ADGRL1: variants seen among roughly 807,000 people sequenced by gnomAD.
ADGRL1 encodes CIRL-1.
Under a neutral mutation model 148.9 loss-of-function variants are expected in ADGRL1, and 31 were observed. The observed-to-expected ratio is 0.21, with a 90% CI of 0.16 to 0.28. The LOEUF (loss-of-function observed/expected upper bound fraction) is 0.28, where lower values mean the gene tolerates loss of function less well. ADGRL1 is among the 10% of genes least tolerant of loss of function. The probability of loss-of-function intolerance (pLI) is 1.00; values close to 1 mark genes in which losing one functional copy is unlikely to be tolerated. For synonymous variants in ADGRL1, 937 were observed against 900.3 expected (o/e 1.04, Z -0.73); for missense variants, 1,521 against 2,058.8 (o/e 0.74, Z 5.05).
In ADGRL1 at chr19:14,170,754, A is replaced by G. The variant is rs773960599; in HGVS notation, c.322T>C (p.Ser108Pro). The G allele has an allele frequency of 1.2e-6, 2 of 1,612,424 alleles. No homozygotes were observed. The highest frequency in any genetic ancestry group is 4.5e-5 in the East Asian group (2 of 44,814). ...NRTQCVVVAG[S>P]DAFPDPCPGT... is the part of the protein sequence containing the mutation. ...GGACAGGGGTCAGGAAAGGCATCCG[A>G]GCCGGCGACCACCACGCACTGGGTG... Residue 108 changes from serine to proline, a missense_variant, in exon 4 of 23, where the codon TCG becomes CCG. Ser to Pro is a moderately conservative substitution (Grantham distance 74). Around this residue, in one of 8 missense-constraint regions of ADGRL1, gnomAD observed 334 missense variants for 512.5 expected, o/e 0.65. Transcript: ENST00000361434.
chr19:14,201,525 T>C (rs1308030769), intron 1 of ADGRL1, among the ~76,000 whole-genome samples: 1 of 151,542 alleles, frequency 6.6e-6, no homozygotes, highest in African/African-American at 2.4e-5. Context: ...CAAGCCATCC[T>C]CCCACCTCAG....
At position 14,151,113 on chromosome 19, in the gene ADGRL1, G is replaced by A. The variant is rs775618778; in HGVS notation, c.4170C>T (p.Pro1390=). Residue 1390 remains proline, a synonymous_variant, in exon 23 of 23, where the codon CCC becomes CCT. Coordinates refer to ENST00000361434, the MANE Select transcript of ADGRL1 (RefSeq NM_014921.5). ...CCTCAGGGCTGCTGTCCGGGTAGGA[G>A]GGTGAGTCCCGCAGGTTGGCCCCGC... ...YASGANLRDS[P]SYPDSSPEGP... is the part of the protein sequence containing the mutation. The A allele has an allele frequency of 1.9e-6, 3 of 1,564,134 alleles. No homozygotes were observed. The highest frequency in any genetic ancestry group is 1.2e-5 in the South Asian group (1 of 83,098).
chr19:14,184,646 A>ATTTAT (rs1555790748), intron 1 of ADGRL1, among the ~76,000 whole-genome samples: 1 of 97,732 alleles, frequency 1.0e-5, no homozygotes, highest in Non-Finnish European at 2.0e-5. Context: ...TTATTTATTT[A>ATTTAT]TTTTTTTTTC....
chr19:14,187,380 TAAAG>T (rs1303919285), intron 1 of ADGRL1, among the ~76,000 whole-genome samples: 2 of 151,964 alleles, frequency 1.3e-5, no homozygotes, highest in African/African-American at 4.8e-5. Context: ...CCTCAATAAA[TAAAG>T]ATCCCCACAG....
chr19:14,199,163 G>A (rs1972447100), intron 1 of ADGRL1, among the ~76,000 whole-genome samples: 5 of 152,216 alleles, frequency 3.3e-5, no homozygotes, highest in Admixed American at 3.3e-4. Context: ...GCGCCGTCAT[G>A]TCAGCACGAC....
Position 14,156,187 on chromosome 19 carries a change from G to A in ADGRL1, c.3048C>T (p.Phe1016=), listed in dbSNP as rs1372486661. ...VSFVIVVNLV[F]LMVTLHKMIR... is the part of the protein sequence containing the mutation. ...TCATCTTGTGCAGGGTCACCATGAG[G>A]AACACCAGGTTGACCTGGGGGCGGG... Residue 1016 remains phenylalanine (F), a synonymous_variant, in exon 17 of 23, where the codon TTC becomes TTT. Transcript: ENST00000361434. The A allele has an allele frequency of 8.7e-6, 14 of 1,612,248 alleles. No homozygotes were observed. In the Middle Eastern group the frequency reaches 4.9e-4, roughly 57 times the overall value.
At chr19:14,182,598 T>C (rs976390091) in intron 2 of ADGRL1, among the ~76,000 whole-genome samples, 1 of 152,164 alleles carries the variant, frequency 6.6e-6, no homozygotes, top group African/African-American at 2.4e-5. Context: ...TTCACATGTG[T>C]TCCTCCAGCA....
chr19:14,178,188 A>C (rs984039947), intron 2 of ADGRL1, among the ~76,000 whole-genome samples: 1 of 152,180 alleles, frequency 6.6e-6, no homozygotes, highest in Non-Finnish European at 1.5e-5. Context: ...CCCCAATCCA[A>C]TATGACTGTG....
In ADGRL1 at chr19:14,160,027, T is replaced by C; in HGVS notation, c.1800+85A>G. ...AAAGGAGTGGAGGTGGCAGCCTGGCTGGGAGGTACCAGGTCAGGTACTTCC... is the reference window on the plus strand; with the variant it reads ...AAAGGAGTGGAGGTGGCAGCCTGGCCGGGAGGTACCAGGTCAGGTACTTCC... On this transcript the variant is annotated intron_variant, in intron 8 of 22. Transcript: ENST00000361434. The surrounding 1 kb of genome is among the most constrained non-coding windows in gnomAD (Gnocchi z 5.9). 7.1e-7 allele frequency: 1 copy of C among 1,406,324 alleles called. No individual in the cohort carries two copies. Among genetic ancestry groups the C allele is most frequent in the Non-Finnish European group, 9.6e-7 (1 of 1,045,072 alleles). 87.1% of individuals were successfully genotyped at this position (1,406,324 alleles called of 1,614,324 possible).
intron 1 of ADGRL1, among the ~76,000 whole-genome samples, chr19:14,205,662 G>A (rs1418992042): frequency 6.6e-6 from 1 of 151,066 alleles, no homozygotes; most frequent in Non-Finnish European, 1.5e-5. Flanking sequence ...CGCGCGCGCG[G>A]GCACACGCAG....
intron 2 of ADGRL1, among the ~76,000 whole-genome samples, chr19:14,178,201 C>G (rs1046230477): frequency 1.3e-5 from 2 of 152,008 alleles, no homozygotes; most frequent in African/African-American, 4.8e-5. Context: ...TGACTGTGGT[C>G]CTTATAAAAA....
Position 14,163,096 on chromosome 19 carries a change from C to T in ADGRL1, c.705G>A (p.Thr235=), listed in dbSNP as rs200389611. ...TGACCGTCTCCCCGCTCTTGATGCGCGTCCGTAGGTCATACTTGACGATGT... is the reference window on the plus strand; with the variant it reads ...TGACCGTCTCCCCGCTCTTGATGCGTGTCCGTAGGTCATACTTGACGATGT... ...TRNIVKYDLR[T]RIKSGETVIN... is the part of the protein sequence containing the mutation. The change falls in exon 5 of 23, where the codon ACG becomes ACA. Residue 235 remains threonine (T), a synonymous_variant. Coordinates refer to ENST00000361434, the MANE Select transcript of ADGRL1 (RefSeq NM_014921.5). 5.1e-5 allele frequency: 82 copies of T among 1,614,114 alleles called. No homozygotes were observed. In the East Asian group the frequency reaches 1.4e-3, roughly 28 times the overall value.
Position 14,150,852 on chromosome 19 carries a change from C to G in ADGRL1, c.*21G>C. 1 of 1,607,218 alleles carries G rather than the reference C, an allele frequency of 6.2e-7. No individual in the cohort carries two copies. The highest frequency in any genetic ancestry group is 8.5e-7 in the Non-Finnish European group (1 of 1,177,544). On this transcript the variant is annotated 3_prime_UTR_variant, in exon 23 of 23. Transcript: ENST00000361434. ...TTCCCTCCCTGGCCTGGGCCACCAG[C>G]CCCTGGTCCATGAGGTGCCCTCAGA...
chr19:14,177,869 A>C, intron 2 of ADGRL1, 125 bp from the exon 3 acceptor site: 1 of 767,548 alleles, frequency 1.3e-6, no homozygotes, highest in Non-Finnish European at 2.1e-6. Flanking sequence ...AGGCAGCCTC[A>C]GTTGATTCAG....
At chr19:14,200,597 C>T (rs373241715) in intron 1 of ADGRL1, among the ~76,000 whole-genome samples, 18 of 152,300 alleles carry the variant, frequency 1.2e-4, no homozygotes, top group African/African-American at 4.1e-4. Context: ...GTCAGCCAAC[C>T]TCTACTCTAT....
In ADGRL1 at chr19:14,155,217, A is replaced by T; in HGVS notation, c.3294+142T>A. The T allele has an allele frequency of 1.1e-6, 1 of 951,886 alleles. No homozygotes were observed. Among genetic ancestry groups the T allele is most frequent in the Non-Finnish European group, 1.6e-6 (1 of 635,950 alleles). The allele number at this position is 951,886 out of a possible 1,614,324, so 59.0% of individuals were successfully genotyped here. A position where few individuals can be genotyped will look rare whatever the true frequency, so the allele number is the denominator to read the frequency against. Reference sequence around the variant, plus strand: ...CTCGTGCTCCCCTCCCGGTGGACGCAGACCTGACCACAGAAGCCCTGCAGC... The same window carrying T: ...CTCGTGCTCCCCTCCCGGTGGACGCTGACCTGACCACAGAAGCCCTGCAGC... On this transcript the variant is annotated intron_variant, in intron 18 of 22. Transcript: ENST00000361434. The surrounding 1 kb of genome is among the most constrained non-coding windows in gnomAD (Gnocchi z 5.0).
intron 2 of ADGRL1, among the ~76,000 whole-genome samples, chr19:14,180,094 A>T (rs1252794947): frequency 1.3e-5 from 2 of 152,158 alleles, no homozygotes; most frequent in African/African-American, 4.8e-5. Context: ...ACCCTGGATA[A>T]CAAGGCTTGG....
At chr19:14,176,243 C>T (rs565426298) in intron 3 of ADGRL1, among the ~76,000 whole-genome samples, 18 of 151,812 alleles carry the variant, frequency 1.2e-4, no homozygotes, top group South Asian at 8.3e-4. Flanking sequence ...CCTAGCTACT[C>T]GGGAGGCTGA....
intron 1 of ADGRL1, among the ~76,000 whole-genome samples, chr19:14,187,601 TC>T (rs1389347129): frequency 8.0e-4 from 30 of 37,412 alleles, no homozygotes; most frequent in Non-Finnish European, 1.6e-3. Context: ...CAACCGCGTC[TC>T]CCCCCACATC....
Sources: gnomAD v4.1 joint callset for allele counts (sites outside exome capture counted in the v4.1 genomes callset) on GRCh38, gnomAD v4.1.1 for gene constraint, gnomAD v4.1.1 regional missense constraint, Gnocchi (gnomAD v3.1) non-coding constraint, MANE v1.5 for transcripts, NCBI Gene and HGNC (gene_info 2026-07-23, HGNC 2026-07-21) for gene names.